STK32B: variants seen among roughly 807,000 people sequenced by gnomAD.
STK32B encodes serine/threonine-protein kinase 32B.
STK32B carries 43 observed loss-of-function variants against 52.6 expected under a neutral mutation model. The observed-to-expected ratio is 0.82, with a 90% CI of 0.64 to 1.05. The LOEUF is 1.05. STK32B is among the 50% of genes least tolerant of loss of function. The probability of loss-of-function intolerance (pLI) is 0.00; values close to 1 mark genes in which losing one functional copy is unlikely to be tolerated. For synonymous variants in STK32B, 238 were observed against 204.3 expected (o/e 1.17, Z -1.41); for missense variants, 621 against 534.6 (o/e 1.16, Z -1.59).
chr4:5,343,257 T>C (rs1287864134), intron 4 of STK32B, among the ~76,000 whole-genome samples: 1 of 152,076 alleles, frequency 6.6e-6, no homozygotes, highest in Non-Finnish European at 1.5e-5. Context: ...GCTTCATCCA[T>C]GTCCCTACAA....
At chr4:5,406,440 G>T (rs530908402) in intron 5 of STK32B, among the ~76,000 whole-genome samples, 1 of 152,150 alleles carries the variant, frequency 6.6e-6, no homozygotes, top group Admixed American at 6.5e-5. Flanking sequence ...GGGACTTTCT[G>T]TGGGGGCTCC....
chr4:5,134,472 C>T (rs2108825265), intron 1 of STK32B, among the ~76,000 whole-genome samples: 1 of 152,152 alleles, frequency 6.6e-6, no homozygotes, highest in Admixed American at 6.5e-5. Context: ...TCATCAGATG[C>T]CAGCACCTTA....
chr4:5,331,789 G>T (rs1246023248), intron 4 of STK32B, among the ~76,000 whole-genome samples: 1 of 152,100 alleles, frequency 6.6e-6, no homozygotes, highest in East Asian at 1.9e-4. Context: ...GCTGTGCATC[G>T]TGGAGGATTT....
At chr4:5,290,051 C>A (rs1472297865) in intron 3 of STK32B, among the ~76,000 whole-genome samples, 1 of 151,974 alleles carries the variant, frequency 6.6e-6, no homozygotes, top group Non-Finnish European at 1.5e-5. Flanking sequence ...TCTGTTGTTC[C>A]CTTCTTTGTG....
chr4:5,434,429 T>A lies in STK32B; in HGVS notation c.563-12244T>A, dbSNP rs142436549. Among the ~76,000 whole-genome samples the A allele has an allele frequency of 8.8e-3, 1,135 of 128,820 alleles. 20 individuals carry two copies. The highest frequency in any genetic ancestry group is 0.033 in the African/African-American group (1,056 of 32,272). 84.5% of individuals were successfully genotyped at this position (128,820 alleles called of 152,430 possible). A position where few individuals can be genotyped will look rare whatever the true frequency, so the allele number is the denominator to read the frequency against. ...AGAGAGTATATGCTATATGTGTGCA[T>A]GTATGTGTGTGTGTGTGTGTGTGTG... On this transcript the variant is annotated intron_variant, in intron 6 of 11. Transcript: ENST00000282908.
intron 3 of STK32B, among the ~76,000 whole-genome samples, chr4:5,318,377 G>C (rs1227861138): frequency 6.6e-6 from 1 of 152,000 alleles, no homozygotes; most frequent in East Asian, 1.9e-4. Context: ...GGAAGATGGA[G>C]CAGGGAAAAG....
chr4:5,272,166 T>C (rs567763673), intron 3 of STK32B, among the ~76,000 whole-genome samples: 2,746 of 143,658 alleles, frequency 0.019, 38 homozygotes, highest in Non-Finnish European at 0.027. Flanking sequence ...CTTATTATTT[T>C]GAAATACATC....
chr4:5,246,646 G>C (rs1305060559), intron 3 of STK32B, among the ~76,000 whole-genome samples: 1 of 152,176 alleles, frequency 6.6e-6, no homozygotes, highest in Non-Finnish European at 1.5e-5. Context: ...GAGGAGAGGT[G>C]CTCTGATTTT....
At chr4:5,061,909 A>G (rs990263721) in intron 1 of STK32B, among the ~76,000 whole-genome samples, 6 of 152,216 alleles carry the variant, frequency 3.9e-5, no homozygotes, top group East Asian at 1.9e-4. Flanking sequence ...TGCTGTGCCC[A>G]TTTCTTTGAA....
At chr4:5,163,622 A>G (rs540970358) in intron 2 of STK32B, among the ~76,000 whole-genome samples, 1 of 150,712 alleles carries the variant, frequency 6.6e-6, no homozygotes, top group South Asian at 2.1e-4. Flanking sequence ...AGGTCTTTGA[A>G]TGCCAAGACC....
intron 1 of STK32B, among the ~76,000 whole-genome samples, chr4:5,078,844 C>G (rs563871892): frequency 6.6e-6 from 1 of 152,094 alleles, no homozygotes; most frequent in Non-Finnish European, 1.5e-5. Flanking sequence ...GAAGGGGGGG[C>G]CAGCACAGGG....
intron 3 of STK32B, among the ~76,000 whole-genome samples, chr4:5,227,951 C>T (rs142058954): frequency 1.1e-4 from 17 of 152,244 alleles, no homozygotes; most frequent in African/African-American, 4.1e-4. Flanking sequence ...TCACTGAGTT[C>T]ACAGTATCTG....
chr4:5,210,817 A>G (rs73081613), intron 3 of STK32B, among the ~76,000 whole-genome samples: 6,521 of 148,530 alleles, frequency 0.044, 302 homozygotes, highest in African/African-American at 0.12. Flanking sequence ...TTTTTTTGAG[A>G]CAAAGTCTCC....
chr4:5,078,767 A>G (rs898037514), intron 1 of STK32B, among the ~76,000 whole-genome samples: 1 of 151,726 alleles, frequency 6.6e-6, no homozygotes, highest in Admixed American at 6.6e-5. Context: ...TCCCCTGCCC[A>G]CCTTTCCCAG....
chr4:5,166,468 G>T lies in STK32B; in HGVS notation c.109-1831G>T, dbSNP rs1164136345. ...CGTCATTTTAAGTGTAATTAGTTAA[G>T]ATGAAGTCATACTAGATGAGAGTGG... On this transcript the variant is annotated intron_variant, in intron 2 of 11. Coordinates refer to ENST00000282908, the MANE Select transcript of STK32B (RefSeq NM_018401.3). 5.4e-5 allele frequency among the ~76,000 whole-genome samples: 8 copies of T among 147,328 alleles called. No individual in the cohort carries two copies. In the Admixed American group the frequency reaches 5.5e-4, roughly 10 times the overall value.
chr4:5,370,591 G>A (rs1735162691), intron 4 of STK32B, among the ~76,000 whole-genome samples: 1 of 152,112 alleles, frequency 6.6e-6, no homozygotes, highest in Non-Finnish European at 1.5e-5. Context: ...AAAGTCACTG[G>A]ACTTCACTGC....
At chr4:5,171,332 T>C (rs1347076492) in intron 3 of STK32B, among the ~76,000 whole-genome samples, 1 of 152,030 alleles carries the variant, frequency 6.6e-6, no homozygotes, top group Non-Finnish European at 1.5e-5. Flanking sequence ...TTTGTCAATT[T>C]TGGCTTTTGT....
At chr4:5,303,295 A>C (rs1284229599) in intron 3 of STK32B, among the ~76,000 whole-genome samples, 3 of 152,198 alleles carry the variant, frequency 2.0e-5, no homozygotes, top group South Asian at 4.1e-4. Flanking sequence ...TTTCATTCCC[A>C]CCAACAGTGT....
At chr4:5,021,192 G>T in the STK32B span, among the ~76,000 whole-genome samples, 1 of 152,196 alleles carries the variant, frequency 6.6e-6, no homozygotes, top group African/African-American at 2.4e-5. Flanking sequence ...AAACAGGATA[G>T]CATCACGCTG....
Sources: allele counts gnomAD v4.1 joint callset (sites outside exome capture counted in the v4.1 genomes callset), GRCh38; gene constraint gnomAD v4.1.1; transcripts MANE v1.5; gene names NCBI Gene and HGNC (gene_info 2026-07-23, HGNC 2026-07-21).